EYS: variants seen among roughly 807,000 people sequenced by gnomAD.
EYS encodes the protein protein eyes shut homolog.
Under a neutral mutation model 282.1 loss-of-function variants are expected in EYS, and 250 were observed. That is an observed-to-expected ratio of 0.89 (90% CI 0.80 to 0.98). The LOEUF (loss-of-function observed/expected upper bound fraction) is 0.98, where lower values mean the gene tolerates loss of function less well. Ranked by LOEUF, EYS falls within the 50% of genes least tolerant of loss-of-function variation. The probability of loss-of-function intolerance (pLI) is 0.00; values close to 1 mark genes in which losing one functional copy is unlikely to be tolerated. For missense variants in EYS, 4,016 were observed against 3,709.0 expected (o/e 1.08, Z -2.15); for synonymous variants, 1,355 against 1,282.9 (o/e 1.06, Z -1.20).
chr6:64,284,404 G>A (rs1302605110), intron 30 of EYS, among the ~76,000 whole-genome samples: 1 of 152,170 alleles, frequency 6.6e-6, no homozygotes, highest in African/African-American at 2.4e-5. Flanking sequence ...ACAGTCTTGG[G>A]CAGCTCTGCC....
At chr6:64,244,988 C>G (rs1766963731) in intron 30 of EYS, among the ~76,000 whole-genome samples, 3 of 125,974 alleles carry the variant, frequency 2.4e-5, no homozygotes, top group African/African-American at 8.9e-5. Context: ...TCCCCCCACC[C>G]CACGACAGGC....
rs561958565 is a variant in EYS, at chr6:64,822,871, C to T, written c.2993-49G>A. The T allele has an allele frequency of 2.0e-5, 29 of 1,474,826 alleles. 1 individual carries two copies. The African/African-American group carries it at 2.1e-4, about 11-fold the overall frequency. The allele number at this position is 1,474,826 out of a possible 1,614,324, so 91.4% of individuals were successfully genotyped here. On this transcript the variant is annotated intron_variant, in intron 19 of 42. Coordinates refer to ENST00000503581, the MANE Select transcript of EYS (RefSeq NM_001142800.2). The stretch of plus-strand genomic sequence containing the variant: ...AACATGAAACCATTTAAATACAAAA[C>T]TCTTAAAAGTTTGTTCATTATGGTA...
At chr6:65,294,139 A>G (rs538499903) in intron 12 of EYS, among the ~76,000 whole-genome samples, 1 of 151,854 alleles carries the variant, frequency 6.6e-6, no homozygotes, top group African/African-American at 2.4e-5. Flanking sequence ...AACTAACAGA[A>G]GGAACCAGAT....
At chr6:65,079,069 T>C (rs1774145901) in intron 12 of EYS, among the ~76,000 whole-genome samples, 2 of 152,004 alleles carry the variant, frequency 1.3e-5, no homozygotes, top group African/African-American at 2.4e-5. Context: ...CTTCTCTTTA[T>C]AAATTGCTCA....
At chr6:65,089,648 C>T (rs571344905) in intron 12 of EYS, among the ~76,000 whole-genome samples, 1 of 151,958 alleles carries the variant, frequency 6.6e-6, no homozygotes, top group Non-Finnish European at 1.5e-5. Context: ...GTTAATGCTG[C>T]AATGAGCTAA....
At chr6:64,370,410 G>C (rs1189447328) in intron 29 of EYS, among the ~76,000 whole-genome samples, 1 of 152,076 alleles carries the variant, frequency 6.6e-6, no homozygotes, top group Non-Finnish European at 1.5e-5. Context: ...ATGTGCTGCT[G>C]AATTTGGTTT....
intron 12 of EYS, among the ~76,000 whole-genome samples, chr6:65,287,158 A>G (rs1358940803): frequency 6.6e-6 from 1 of 151,526 alleles, no homozygotes; most frequent in Admixed American, 6.6e-5. Context: ...AAGATATTTC[A>G]TATTTAGATG....
At chr6:64,332,961 G>A (rs1770700720) in intron 29 of EYS, among the ~76,000 whole-genome samples, 1 of 152,144 alleles carries the variant, frequency 6.6e-6, no homozygotes, top group Admixed American at 6.5e-5. Context: ...TAATACTAAA[G>A]CCATTTATAC....
intron 29 of EYS, among the ~76,000 whole-genome samples, chr6:64,310,554 G>A (rs1261927342): frequency 3.9e-5 from 6 of 152,158 alleles, no homozygotes; most frequent in African/African-American, 1.2e-4. Context: ...ACATAGAGGT[G>A]AACAACATGC....
At chr6:64,437,760 C>CTCTA (rs1028333283) in intron 27 of EYS, among the ~76,000 whole-genome samples, 2 of 146,226 alleles carry the variant, frequency 1.4e-5, no homozygotes, top group African/African-American at 5.0e-5. Flanking sequence ...TTTTTTTTGG[C>CTCTA]TCTATCTCCC....
At chr6:64,659,757 CA>C (rs1258809718) in intron 22 of EYS, among the ~76,000 whole-genome samples, 1 of 151,930 alleles carries the variant, frequency 6.6e-6, no homozygotes, top group South Asian at 2.1e-4. Context: ...GCTTACCAAC[CA>C]AAAAAAGTGC....
intron 30 of EYS, among the ~76,000 whole-genome samples, chr6:64,245,663 C>A (rs1332794266): frequency 1.3e-5 from 2 of 152,056 alleles, no homozygotes; most frequent in African/African-American, 4.8e-5. Flanking sequence ...CTTTTTATTT[C>A]TCTTCAAATG....
intron 35 of EYS, among the ~76,000 whole-genome samples, chr6:63,896,934 A>C (rs999638391): frequency 6.6e-6 from 1 of 152,100 alleles, no homozygotes; most frequent in African/African-American, 2.4e-5. Flanking sequence ...CAGTTTATTC[A>C]CCTACTGAAG....
At chr6:65,407,846 T>C (rs1227123648) in intron 5 of EYS, among the ~76,000 whole-genome samples, 1 of 151,672 alleles carries the variant, frequency 6.6e-6, no homozygotes, top group African/African-American at 2.4e-5. Flanking sequence ...ATGGTGAAAG[T>C]AGATATCATA....
intron 2 of EYS, among the ~76,000 whole-genome samples, chr6:65,545,501 T>G (rs1768351475): frequency 6.6e-6 from 1 of 152,138 alleles, no homozygotes; most frequent in Non-Finnish European, 1.5e-5. Flanking sequence ...TAAATAATCT[T>G]TCAACCCATA....
chr6:64,190,433 G>T (rs984388067), intron 31 of EYS, among the ~76,000 whole-genome samples: 1 of 152,158 alleles, frequency 6.6e-6, no homozygotes, highest in Admixed American at 6.5e-5. Flanking sequence ...GCACAGTATG[G>T]TGTGAGGGAG....
intron 8 of EYS, among the ~76,000 whole-genome samples, chr6:65,373,222 C>A (rs1277744735): frequency 1.3e-5 from 2 of 152,168 alleles, no homozygotes; most frequent in Non-Finnish European, 2.9e-5. Context: ...TGGATCCTTG[C>A]TTCGGTGTCC....
At chr6:65,614,904 A>T (rs1766130199) in intron 2 of EYS, among the ~76,000 whole-genome samples, 1 of 152,098 alleles carries the variant, frequency 6.6e-6, no homozygotes, top group South Asian at 2.1e-4. Context: ...AAACACATAC[A>T]TGCATGTTTG....
intron 30 of EYS, among the ~76,000 whole-genome samples, chr6:64,280,746 T>C (rs1019841331): frequency 6.6e-6 from 1 of 152,102 alleles, no homozygotes; most frequent in East Asian, 1.9e-4. Context: ...AAAATGCCAA[T>C]TGGTAAAGTC....
Sources: gnomAD v4.1 joint callset for allele counts (sites outside exome capture counted in the v4.1 genomes callset) on GRCh38, gnomAD v4.1.1 for gene constraint, MANE v1.5 for transcripts, NCBI Gene and HGNC (gene_info 2026-07-23, HGNC 2026-07-21) for gene names.